The following MYOM2 variants were observed in gnomAD, a reference collection of about 807,000 sequenced individuals.
The protein encoded by MYOM2 is myomesin 2, also known as myomesin-2.
MYOM2 carries 254 observed loss-of-function variants against 187.6 expected under a neutral mutation model. The observed-to-expected ratio is 1.35, with a 90% CI of 1.22 to 1.50. MYOM2 has a LOEUF of 1.50. Among genes scored for constraint, MYOM2 ranks in the 40% most tolerant of loss-of-function variants. The pLI is 0.00. For missense variants in MYOM2, 2,796 were observed against 1,924.0 expected (o/e 1.45, Z -8.48); for synonymous variants, 981 against 753.8 (o/e 1.30, Z -4.94).
intron 32 of MYOM2, among the ~76,000 whole-genome samples, chr8:2,139,172 G>A (rs1008149831): frequency 6.6e-6 from 1 of 152,142 alleles, no homozygotes; most frequent in Non-Finnish European, 1.5e-5. Flanking sequence ...ACAGTGTCTC[G>A]CTCTGTTGGC....
In MYOM2 at chr8:2,069,264, T is replaced by G. The variant is rs199835247; in HGVS notation, c.654-14T>G. ...ACAGTCCCGCAGACTTTCTCTTGTT[T>G]TTTTCTCTCCAAGGGCAGACTTTGA... is the stretch of plus-strand genomic sequence containing the variant. On this transcript the variant is annotated splice_polypyrimidine_tract_variant and intron_variant, in intron 6 of 36. Coordinates refer to ENST00000262113, the MANE Select transcript of MYOM2 (RefSeq NM_003970.4). 1 of 1,603,456 alleles carries G rather than the reference T, an allele frequency of 6.2e-7. No individual in the cohort carries two copies. The highest frequency in any genetic ancestry group is 1.3e-5 in the African/African-American group (1 of 74,790).
chr8:2,133,460 C>T (rs1001332838), intron 32 of MYOM2, among the ~76,000 whole-genome samples: 11 of 152,138 alleles, frequency 7.2e-5, no homozygotes, highest in Non-Finnish European at 1.3e-4. Context: ...CTTGTGCTTC[C>T]ATCTACCTGC....
chr8:2,120,660 A>ATG (rs1797397979), intron 28 of MYOM2, among the ~76,000 whole-genome samples: 3 of 39,432 alleles, frequency 7.6e-5, no homozygotes, highest in Admixed American at 4.4e-4. Context: ...GATTTCCTGT[A>ATG]TATATATATA....
intron 25 of MYOM2, among the ~76,000 whole-genome samples, chr8:2,112,183 G>A (rs985606960): frequency 2.6e-5 from 4 of 152,132 alleles, no homozygotes; most frequent in Non-Finnish European, 4.4e-5. Context: ...ATGTGAAGTT[G>A]CCCTTACAGA....
At chr8:2,047,089 C>T (rs113803123) in intron 1 of MYOM2, among the ~76,000 whole-genome samples, 2,712 of 152,252 alleles carry the variant, frequency 0.018, 85 homozygotes, top group African/African-American at 0.062. Flanking sequence ...GTCTGAAAAA[C>T]AAATCGGGAA....
Position 2,126,283 on chromosome 8 carries a change from A to G in MYOM2, c.3694+2066A>G, listed in dbSNP as rs201321563. On this transcript the variant is annotated intron_variant, in intron 31 of 36. Coordinates refer to ENST00000262113, the MANE Select transcript of MYOM2 (RefSeq NM_003970.4). ...ATAGGGAGCCTTTATTCTCATGGGA[A>G]ACTGGACGCCATGGGCTGGAGTCTC... Among the ~76,000 whole-genome samples the G allele has an allele frequency of 2.0e-5, 3 of 152,134 alleles. No individual in the cohort carries two copies. The East Asian group carries it at 5.8e-4, about 29-fold the overall frequency.
chr8:2,085,519 C>CCTACTGTCGTGATCTCCA (rs1819814289), intron 14 of MYOM2, 129 bp downstream of exon 14: 1 of 712,950 alleles, frequency 1.4e-6, no homozygotes, highest in Non-Finnish European at 2.1e-6. Flanking sequence ...CGCGTGGCCC[C>CCTACTGTCGTGATCTCCA]CCACTGTTGT....
chr8:2,068,613 T>C (rs1170599329), intron 6 of MYOM2, among the ~76,000 whole-genome samples: 1 of 152,122 alleles, frequency 6.6e-6, no homozygotes, highest in African/African-American at 2.4e-5. Context: ...GAGAGCATCC[T>C]GGGCGCAGCT....
intron 28 of MYOM2, among the ~76,000 whole-genome samples, chr8:2,121,132 C>T (rs145872294): frequency 6.6e-6 from 1 of 152,224 alleles, no homozygotes; most frequent in East Asian, 1.9e-4. Flanking sequence ...GCTGCAAAAA[C>T]AACTTTCTCA....
intron 21 of MYOM2, among the ~76,000 whole-genome samples, chr8:2,104,439 A>G (rs532225950): frequency 1.9e-4 from 29 of 152,028 alleles, no homozygotes; most frequent in Admixed American, 7.2e-4. Flanking sequence ...CGTCTCTACT[A>G]AAAAATACAA....
intron 25 of MYOM2, among the ~76,000 whole-genome samples, chr8:2,114,347 C>G (rs961967961): frequency 2.0e-5 from 3 of 152,210 alleles, no homozygotes; most frequent in African/African-American, 7.2e-5. Flanking sequence ...TGTTCTCAGA[C>G]CAACCAACAG....
In MYOM2 at chr8:2,090,023, G is replaced by A. The variant is rs763551552; in HGVS notation, c.1660G>A (p.Gly554Ser). The A allele has an allele frequency of 9.3e-6, 15 of 1,613,738 alleles. No homozygotes were observed. The African/African-American group carries it at 1.1e-4, about 11-fold the overall frequency. ...CTCTTTGTAGTCCGTGGTGGGGAGCGGCAGCTGGCAGAGAGTCAACGCCCA... is the reference window on the plus strand; with the variant it reads ...CTCTTTGTAGTCCGTGGTGGGGAGCAGCAGCTGGCAGAGAGTCAACGCCCA... ...YFIEKSVVGS[G>S]SWQRVNAQTA... The change falls in exon 15 of 37, where the codon GGC becomes AGC. Residue 554 changes from glycine (G) to serine (S), a missense_variant. Gly to Ser is a moderately conservative substitution (Grantham distance 56). Coordinates refer to ENST00000262113, the MANE Select transcript of MYOM2 (RefSeq NM_003970.4).
intron 25 of MYOM2, among the ~76,000 whole-genome samples, chr8:2,115,064 G>T (rs1360099322): frequency 6.6e-6 from 1 of 150,592 alleles, no homozygotes; most frequent in African/African-American, 2.4e-5. Flanking sequence ...TTATTTAAGT[G>T]AAAAAGTGAA....
chr8:2,112,300 G>A (rs1300694339), intron 25 of MYOM2, among the ~76,000 whole-genome samples: 2 of 151,580 alleles, frequency 1.3e-5, no homozygotes, highest in East Asian at 3.9e-4. Flanking sequence ...TCAGAATTCA[G>A]AGAAGGCAGA....
intron 25 of MYOM2, 94 bp downstream of exon 25, chr8:2,109,625 C>A (rs1386557958): frequency 7.4e-7 from 1 of 1,349,272 alleles, no homozygotes; most frequent in Non-Finnish European, 1.0e-6. Context: ...CTGTCTGTTT[C>A]CATCCTTTTC....
intron 1 of MYOM2, among the ~76,000 whole-genome samples, chr8:2,049,704 G>A (rs534877078): frequency 1.3e-5 from 2 of 152,316 alleles, no homozygotes; most frequent in East Asian, 3.9e-4. Context: ...TTTGCACCTT[G>A]TTTGGGAAAT....
chr8:2,064,455 G>A (rs1431518751), intron 6 of MYOM2, among the ~76,000 whole-genome samples: 1 of 152,240 alleles, frequency 6.6e-6, no homozygotes. Context: ...GCCGTCGTCA[G>A]TGGGTCGGGA....
rs371806126 is a variant in MYOM2 at position 2,106,382 on chromosome 8, G to C, written c.2875G>C (p.Glu959Gln). The C allele has an allele frequency of 4.3e-6, 7 of 1,613,912 alleles. No individual in the cohort carries two copies. The highest frequency in any genetic ancestry group is 1.7e-5 in the Admixed American group (1 of 60,006). Residue 959 changes from glutamate (E) to glutamine (Q), a missense_variant, in exon 22 of 37, where the codon GAA (glutamate) becomes CAA (glutamine). Transcript: ENST00000262113. ...EISDDERFKI[E>Q]TVGDHSKLYL... is the part of the protein sequence containing the mutation. ...TTCAGATGATGAGAGGTTTAAAATT[G>C]AAACCGTGGGGGATCAGTAAGTGAG...
chr8:2,121,678 A>T (rs531051747), intron 28 of MYOM2, among the ~76,000 whole-genome samples: 9 of 152,174 alleles, frequency 5.9e-5, no homozygotes, highest in African/African-American at 1.7e-4. Context: ...TTATGCAAGG[A>T]TGCAGTCACA....
Sources: gnomAD v4.1 joint callset for allele counts (sites outside exome capture counted in the v4.1 genomes callset) on GRCh38, gnomAD v4.1.1 for gene constraint, MANE v1.5 for transcripts, NCBI Gene and HGNC (gene_info 2026-07-23, HGNC 2026-07-21) for gene names.